TTC7A: variants seen among roughly 807,000 people sequenced by gnomAD.
TTC7A encodes tetratricopeptide repeat domain 7A, also known as tetratricopeptide repeat protein 7A.
Under a neutral mutation model 103.7 loss-of-function variants are expected in TTC7A, and 110 were observed. That is an observed-to-expected ratio of 1.06 (90% CI 0.91 to 1.24). TTC7A has a LOEUF of 1.24. Ranked by LOEUF, TTC7A falls within the 50% of genes most tolerant of loss-of-function variation. The pLI, the probability that TTC7A is intolerant of heterozygous loss-of-function variation, is 0.00. For synonymous variants in TTC7A, 521 were observed against 467.9 expected (o/e 1.11, Z -1.47); for missense variants, 1,340 against 1,116.3 (o/e 1.20, Z -2.86).
chr2:47,025,926 A>G (rs901494992), intron 14 of TTC7A, among the ~76,000 whole-genome samples: 6 of 152,192 alleles, frequency 3.9e-5, no homozygotes, highest in Non-Finnish European at 8.8e-5. Flanking sequence ...AGTTCCCTGT[A>G]AAAGAACCAG....
intron 15 of TTC7A, among the ~76,000 whole-genome samples, chr2:47,037,641 CAAT>C (rs752685652): frequency 4.6e-5 from 7 of 152,218 alleles, no homozygotes; most frequent in Admixed American, 1.3e-4. Flanking sequence ...ATAACAATAA[CAAT>C]GATGCACCCA....
At chr2:46,962,803 C>A (rs888374261) in intron 3 of TTC7A, among the ~76,000 whole-genome samples, 1 of 152,228 alleles carries the variant, frequency 6.6e-6, no homozygotes, top group Non-Finnish European at 1.5e-5. Context: ...TGCTTCTGGG[C>A]AGCCCACCCC....
intron 5 of TTC7A, among the ~76,000 whole-genome samples, chr2:46,983,004 TAAAG>T (rs1325001991): frequency 6.6e-6 from 1 of 152,058 alleles, no homozygotes; most frequent in Non-Finnish European, 1.5e-5. Context: ...AAAATAGAAA[TAAAG>T]GAAAAGAAAA....
intron 16 of TTC7A, among the ~76,000 whole-genome samples, chr2:47,047,496 G>A (rs893274837): frequency 5.3e-5 from 8 of 152,242 alleles, no homozygotes; most frequent in African/African-American, 1.9e-4. Context: ...CTGGCAGCTG[G>A]ATGCATGAAG....
At chr2:46,987,934 A>G (rs1293644829) in intron 5 of TTC7A, among the ~76,000 whole-genome samples, 1 of 152,072 alleles carries the variant, frequency 6.6e-6, no homozygotes, top group Non-Finnish European at 1.5e-5. Context: ...TGTGACCCCC[A>G]TGAGGGGTTC....
At chr2:46,983,198 G>A (rs1006925446) in intron 5 of TTC7A, among the ~76,000 whole-genome samples, 5 of 152,142 alleles carry the variant, frequency 3.3e-5, no homozygotes, top group East Asian at 1.9e-4. Context: ...TGGGAGACCC[G>A]AGGCAGTTCA....
At chr2:47,013,369 G>A (rs971976056) in intron 11 of TTC7A, among the ~76,000 whole-genome samples, 1 of 152,208 alleles carries the variant, frequency 6.6e-6, no homozygotes. Context: ...TGCTGAGCAC[G>A]TGCAGCAGAG....
At chr2:47,051,666 T>A (rs187195465) in intron 17 of TTC7A, 80 bp from the exon 18 acceptor site, 2 of 1,505,332 alleles carry the variant, frequency 1.3e-6, no homozygotes, top group East Asian at 4.6e-5. Flanking sequence ...CTCCCCATGG[T>A]GCTGGGCAAT....
At chr2:47,070,880 G>A (rs116935461) in intron 19 of TTC7A, among the ~76,000 whole-genome samples, 1 of 152,330 alleles carries the variant, frequency 6.6e-6, no homozygotes, top group East Asian at 1.9e-4. Flanking sequence ...TGGGCTGGCA[G>A]CACAGCCATG....
intron 18 of TTC7A, among the ~76,000 whole-genome samples, chr2:47,059,715 T>C (rs1465946803): frequency 6.6e-6 from 1 of 152,132 alleles, no homozygotes; most frequent in Non-Finnish European, 1.5e-5. Flanking sequence ...AGCAAGCTCT[T>C]AGCTCAGGGG....
intron 15 of TTC7A, among the ~76,000 whole-genome samples, chr2:47,042,379 T>A (rs1248205368): frequency 6.6e-6 from 1 of 152,020 alleles, no homozygotes; most frequent in Admixed American, 6.6e-5. Flanking sequence ...CCCATGCCTG[T>A]TAGTCCTAAC....
At chr2:47,041,984 A>T (rs1390316288) in intron 15 of TTC7A, among the ~76,000 whole-genome samples, 1 of 152,132 alleles carries the variant, frequency 6.6e-6, no homozygotes, top group Non-Finnish European at 1.5e-5. Context: ...AGATTCGAAG[A>T]AAGACGGGAT....
intron 19 of TTC7A, among the ~76,000 whole-genome samples, chr2:47,072,381 G>C (rs1261540368): frequency 2.0e-5 from 3 of 152,228 alleles, no homozygotes; most frequent in African/African-American, 7.2e-5. Context: ...TCTCCAGCCA[G>C]CGCCTCTGGA....
chr2:46,985,370 A>C (rs564459682), intron 5 of TTC7A, among the ~76,000 whole-genome samples: 1 of 152,354 alleles, frequency 6.6e-6, no homozygotes, highest in Admixed American at 6.5e-5. Flanking sequence ...TAGCAGTCCC[A>C]GGACACGTGG....
chr2:47,047,238 A>AT, intron 16 of TTC7A: 1 of 1,434,570 alleles, frequency 7.0e-7, no homozygotes, highest in South Asian at 1.2e-5. Context: ...AGGGGACCCC[A>AT]GTCTGGTGTA....
At chr2:46,942,932 GTCTC>G (rs1670572328) in intron 1 of TTC7A, among the ~76,000 whole-genome samples, 1 of 152,034 alleles carries the variant, frequency 6.6e-6, no homozygotes, top group Non-Finnish European at 1.5e-5. Context: ...TTGAGACAGG[GTCTC>G]TCTCTGTTAC....
chr2:46,952,267 C>G (rs1572704323), intron 2 of TTC7A, among the ~76,000 whole-genome samples: 1 of 152,136 alleles, frequency 6.6e-6, no homozygotes, highest in Non-Finnish European at 1.5e-5. Context: ...CTTCCAGTTT[C>G]TCATCTGCTG....
At position 47,060,465 on chromosome 2, in the gene TTC7A, C is replaced by CA. The variant is rs796508216; in HGVS notation, c.2153-296dup. ...CTGGGTAACAAAGGATACCCTGTCT[C>CA]AAAAAAAACAAAAACAAACAAACAA... is the stretch of plus-strand genomic sequence containing the variant. On this transcript the variant is annotated intron_variant, in intron 18 of 19. Coordinates refer to ENST00000319190, the MANE Select transcript of TTC7A (RefSeq NM_020458.4). Among the ~76,000 whole-genome samples, 238 of 151,676 alleles carry CA rather than the reference C, an allele frequency of 1.6e-3. 2 individuals are homozygous for CA. The highest frequency in any genetic ancestry group is 4.5e-3 in the African/African-American group (184 of 41,344).
At chr2:47,039,509 T>C (rs1171603884) in intron 15 of TTC7A, among the ~76,000 whole-genome samples, 1 of 152,210 alleles carries the variant, frequency 6.6e-6, no homozygotes, top group Non-Finnish European at 1.5e-5. Context: ...GTGCTTGGCT[T>C]AGCCAGAGAC....
Sources: gnomAD v4.1 joint callset for allele counts (sites outside exome capture counted in the v4.1 genomes callset) on GRCh38, gnomAD v4.1.1 for gene constraint, MANE v1.5 for transcripts, NCBI Gene and HGNC (gene_info 2026-07-23, HGNC 2026-07-21) for gene names.